PPP2R5E: variants seen among roughly 807,000 people sequenced by gnomAD.
The protein encoded by PPP2R5E is serine/threonine-protein phosphatase 2A 56 kDa regulatory subunit epsilon isoform.
A neutral mutation model predicts 65.3 loss-of-function variants in PPP2R5E; 4 were observed. The observed-to-expected ratio is 0.06, with a 90% confidence interval of 0.03 to 0.14. PPP2R5E has a LOEUF of 0.14. Ranked by LOEUF, PPP2R5E falls within the 10% of genes least tolerant of loss-of-function variation. The pLI, the probability that PPP2R5E is intolerant of heterozygous loss-of-function variation, is 1.00. For synonymous variants in PPP2R5E, 183 were observed against 187.4 expected (o/e 0.98, Z 0.19); for missense variants, 274 against 556.1 (o/e 0.49, Z 5.10).
rs1883857944 is a variant in PPP2R5E at position 63,374,316 on chromosome 14, A to G, written c.*1693T>C. The G allele has an allele frequency of 6.6e-6, 1 of 151,938 alleles. No homozygotes were observed. The allele number at this position is 151,938 out of a possible 1,614,324, so 9.4% of individuals were successfully genotyped here. A position where few individuals can be genotyped will look rare whatever the true frequency, so the allele number is the denominator to read the frequency against. ...TGTAAGGAAGAAAATATACAAGCCC[A>G]TATTTATATTGTATTTCTATTAAGA... On this transcript the variant is annotated 3_prime_UTR_variant, in exon 14 of 14. Transcript: ENST00000337537.
intron 2 of PPP2R5E, among the ~76,000 whole-genome samples, chr14:63,457,528 G>A (rs984732477): frequency 6.6e-6 from 1 of 152,090 alleles, no homozygotes; most frequent in Non-Finnish European, 1.5e-5. Flanking sequence ...ACAAATTACA[G>A]TCATTAAGAA....
At chr14:63,462,625 G>C (rs777943540) in intron 2 of PPP2R5E, among the ~76,000 whole-genome samples, 4 of 152,066 alleles carry the variant, frequency 2.6e-5, no homozygotes, top group Non-Finnish European at 5.9e-5. Context: ...AGTTGAGTAA[G>C]TAAATTCTAC....
At position 63,379,096 on chromosome 14, in the gene PPP2R5E, T is replaced by G. The variant is rs1884162318; in HGVS notation, c.1304+2960A>C. On this transcript the variant is annotated intron_variant, in intron 13 of 13. Transcript: ENST00000337537. ...CAGGCTGGAGTGCAGTGGTGTAATCTCGGCTCACTGCAAGCTCTGCCTCCT... is the reference window on the plus strand; with the variant it reads ...CAGGCTGGAGTGCAGTGGTGTAATCGCGGCTCACTGCAAGCTCTGCCTCCT... 2.6e-5 allele frequency among the ~76,000 whole-genome samples: 4 copies of G among 151,768 alleles called. No homozygotes were observed. The South Asian group carries it at 8.3e-4, about 32-fold the overall frequency.
chr14:63,531,381 C>T (rs748912795), intron 2 of PPP2R5E, among the ~76,000 whole-genome samples: 1 of 151,026 alleles, frequency 6.6e-6, no homozygotes, highest in Non-Finnish European at 1.5e-5. Context: ...TGAGAACATG[C>T]GGTGTTTGGT....
At chr14:63,394,524 C>G (rs1885214628) in intron 7 of PPP2R5E, among the ~76,000 whole-genome samples, 1 of 152,164 alleles carries the variant, frequency 6.6e-6, no homozygotes. Context: ...TATCAAAACC[C>G]TTTATTTTCC....
intron 2 of PPP2R5E, among the ~76,000 whole-genome samples, chr14:63,496,757 C>T (rs969105455): frequency 4.0e-5 from 6 of 151,784 alleles, no homozygotes; most frequent in East Asian, 1.9e-4. Flanking sequence ...TTTTCTTCTC[C>T]GACTTAAATC....
At chr14:63,461,722 T>G (rs1889475331) in intron 2 of PPP2R5E, among the ~76,000 whole-genome samples, 1 of 151,802 alleles carries the variant, frequency 6.6e-6, no homozygotes, top group Non-Finnish European at 1.5e-5. Flanking sequence ...GAGGATCACT[T>G]CAGCCCAGGC....
At chr14:63,535,030 T>TA (rs1347916623) in intron 2 of PPP2R5E, among the ~76,000 whole-genome samples, 1 of 152,198 alleles carries the variant, frequency 6.6e-6, no homozygotes, top group Non-Finnish European at 1.5e-5. Context: ...AACACACAGA[T>TA]ACGGAAAAAC....
intron 2 of PPP2R5E, among the ~76,000 whole-genome samples, chr14:63,472,574 C>T (rs1055158170): frequency 5.9e-5 from 9 of 152,168 alleles, no homozygotes; most frequent in South Asian, 2.1e-4. Flanking sequence ...ACCAGCACAG[C>T]CTAAGGTCAA....
intron 5 of PPP2R5E, among the ~76,000 whole-genome samples, chr14:63,413,203 G>C (rs1016173191): frequency 1.3e-5 from 2 of 152,150 alleles, no homozygotes. Context: ...GTCTACCATG[G>C]ACAGCACACT....
intron 2 of PPP2R5E, among the ~76,000 whole-genome samples, chr14:63,503,952 T>A (rs967750148): frequency 2.0e-5 from 3 of 152,224 alleles, no homozygotes; most frequent in African/African-American, 4.8e-5. Context: ...TGATTAAGCA[T>A]GCAGTCCCAA....
At chr14:63,497,569 T>C (rs1017484658) in intron 2 of PPP2R5E, among the ~76,000 whole-genome samples, 1 of 151,046 alleles carries the variant, frequency 6.6e-6, no homozygotes, top group South Asian at 2.1e-4. Flanking sequence ...GTCAACATGG[T>C]GAAACCCGTC....
chr14:63,421,117 A>G (rs1028250416), intron 4 of PPP2R5E, among the ~76,000 whole-genome samples: 7 of 148,836 alleles, frequency 4.7e-5, no homozygotes, highest in African/African-American at 1.7e-4. Context: ...ATACATTTCT[A>G]CGAAAATGCA....
At chr14:63,536,759 T>A (rs183518860) in intron 2 of PPP2R5E, among the ~76,000 whole-genome samples, 1 of 152,306 alleles carries the variant, frequency 6.6e-6, no homozygotes, top group East Asian at 1.9e-4. Context: ...CTAAGTGAAA[T>A]AAGCCAGTCA....
Position 63,415,133 on chromosome 14 carries a change from T to C in PPP2R5E, c.549+7A>G. 1.3e-6 allele frequency: 2 copies of C among 1,536,230 alleles called. No individual in the cohort carries two copies. Among genetic ancestry groups the C allele is most frequent in the Non-Finnish European group, 1.8e-6 (2 of 1,110,674 alleles). On this transcript the variant is annotated splice_region_variant and intron_variant, in intron 5 of 13. Coordinates refer to ENST00000337537, the MANE Select transcript of PPP2R5E (RefSeq NM_006246.5). ...ACAAATACACACAACCACAATAATT[T>C]GCTTACCTGTAATACAAATTTCTGA...
At chr14:63,463,924 G>A (rs1311773709) in intron 2 of PPP2R5E, among the ~76,000 whole-genome samples, 6 of 152,034 alleles carry the variant, frequency 3.9e-5, no homozygotes, top group Non-Finnish European at 8.8e-5. Flanking sequence ...AAACAGAATG[G>A]TTTATATTCA....
At chr14:63,504,563 C>G (rs554384090) in intron 2 of PPP2R5E, among the ~76,000 whole-genome samples, 3 of 152,118 alleles carry the variant, frequency 2.0e-5, no homozygotes, top group Non-Finnish European at 4.4e-5. Flanking sequence ...GCCTCGGCGA[C>G]AGAGTGAGAC....
chr14:63,405,652 T>C (rs1381152173), intron 5 of PPP2R5E, among the ~76,000 whole-genome samples: 1 of 152,220 alleles, frequency 6.6e-6, no homozygotes, highest in Admixed American at 6.5e-5. Flanking sequence ...TTTAGAAATA[T>C]GTTGCTAAAC....
At chr14:63,446,507 G>C (rs879595387) in intron 3 of PPP2R5E, among the ~76,000 whole-genome samples, 2 of 152,118 alleles carry the variant, frequency 1.3e-5, no homozygotes, top group Non-Finnish European at 2.9e-5. Context: ...CCCATGAGCT[G>C]AAGATTGGAT....
Sources: gnomAD v4.1 joint callset for allele counts (sites outside exome capture counted in the v4.1 genomes callset) on GRCh38, gnomAD v4.1.1 for gene constraint, MANE v1.5 for transcripts, NCBI Gene and HGNC (gene_info 2026-07-23, HGNC 2026-07-21) for gene names.